Variants in TEX2 observed in about 807,000 individuals in gnomAD.
TEX2 encodes testis-expressed protein 2.
In TEX2, 53 loss-of-function variants were observed where a neutral mutation model predicts 106.9. That is an observed-to-expected ratio of 0.50 (90% CI 0.40 to 0.62). The LOEUF is 0.62. Ranked by LOEUF, TEX2 falls within the 20% of genes least tolerant of loss-of-function variation. The probability of loss-of-function intolerance (pLI) is 0.00; values close to 1 mark genes in which losing one functional copy is unlikely to be tolerated. For missense variants in TEX2, 1,207 were observed against 1,379.0 expected (o/e 0.88, Z 1.98); for synonymous variants, 523 against 534.8 (o/e 0.98, Z 0.30).
intron 8 of TEX2, 35 bp downstream of exon 8, chr17:64,160,765 AG>A: frequency 1.2e-6 from 2 of 1,608,822 alleles, no homozygotes; most frequent in Non-Finnish European, 1.7e-6. Flanking sequence ...CTGGTGCCCC[AG>A]GATTGGATTA....
chr17:64,259,663 C>T (rs1471054071), intron 1 of TEX2, among the ~76,000 whole-genome samples: 2 of 152,200 alleles, frequency 1.3e-5, no homozygotes, highest in East Asian at 1.9e-4. Context: ...GCAAATCTTA[C>T]GAGATGCTTC....
chr17:64,151,391 G>A (rs1396405671), intron 10 of TEX2, among the ~76,000 whole-genome samples: 1 of 152,168 alleles, frequency 6.6e-6, no homozygotes, highest in Non-Finnish European at 1.5e-5. Context: ...CCCAAGAGAG[G>A]ACTATTGACA....
At chr17:64,248,570 A>G (rs1203356125) in intron 1 of TEX2, among the ~76,000 whole-genome samples, 2 of 152,256 alleles carry the variant, frequency 1.3e-5, no homozygotes, top group African/African-American at 2.4e-5. Context: ...AGCCTATTTT[A>G]TAAGCCTTTT....
At position 64,193,674 on chromosome 17, in the gene TEX2, G is replaced by A. The variant is rs370141908; in HGVS notation, c.2061C>T (p.Leu687=). ...GTRSSQRDQI[L]YLFGRTGREK... ...CTCGGCCAGTTCTCCCAAAGAGATA[G>A]AGTATCTGATCTCGCTGGCTAGATC... The change falls in exon 4 of 12, where the codon CTC becomes CTT. Residue 687 remains leucine (L), a synonymous_variant. Transcript: ENST00000584379. 4 of 1,596,166 alleles carry A rather than the reference G, an allele frequency of 2.5e-6. No homozygotes were observed. The highest frequency in any genetic ancestry group is 1.4e-5 in the African/African-American group (1 of 73,934).
intron 1 of TEX2, among the ~76,000 whole-genome samples, chr17:64,223,105 T>G (rs2033405283): frequency 6.6e-6 from 1 of 152,124 alleles, no homozygotes; most frequent in Non-Finnish European, 1.5e-5. Context: ...CCATCTAACT[T>G]GAACTCATAA....
intron 1 of TEX2, among the ~76,000 whole-genome samples, chr17:64,251,622 C>T (rs1324638376): frequency 6.6e-6 from 1 of 152,178 alleles, no homozygotes; most frequent in Non-Finnish European, 1.5e-5. Flanking sequence ...TTTGACATGT[C>T]AGGTGGACCT....
intron 2 of TEX2, among the ~76,000 whole-genome samples, chr17:64,196,509 C>T (rs782562353): frequency 6.6e-6 from 1 of 152,068 alleles, no homozygotes; most frequent in Non-Finnish European, 1.5e-5. Flanking sequence ...AAAGAATGAC[C>T]GGACAGGAGC....
intron 2 of TEX2, among the ~76,000 whole-genome samples, chr17:64,208,266 TCA>T (rs1160499095): frequency 5.3e-5 from 8 of 152,202 alleles, no homozygotes; most frequent in Admixed American, 1.3e-4. Flanking sequence ...TGAGACAGGG[TCA>T]CACTCTATTG....
intron 1 of TEX2, among the ~76,000 whole-genome samples, chr17:64,254,334 C>T (rs555900523): frequency 2.0e-5 from 3 of 152,342 alleles, no homozygotes; most frequent in South Asian, 2.1e-4. Flanking sequence ...AACCTACATG[C>T]GACTTGTGCC....
At chr17:64,181,071 A>G (rs910268047) in intron 5 of TEX2, among the ~76,000 whole-genome samples, 1 of 151,860 alleles carries the variant, frequency 6.6e-6, no homozygotes, top group African/African-American at 2.4e-5. Context: ...AAACACCCAT[A>G]AACCTGCTAC....
At chr17:64,209,845 T>G (rs1223025102) in intron 2 of TEX2, among the ~76,000 whole-genome samples, 1 of 152,218 alleles carries the variant, frequency 6.6e-6, no homozygotes, top group Non-Finnish European at 1.5e-5. Context: ...TTGCCTTTAT[T>G]CTTCCAGTGA....
At chr17:64,256,297 AC>A (rs554305768) in intron 1 of TEX2, among the ~76,000 whole-genome samples, 2 of 152,196 alleles carry the variant, frequency 1.3e-5, no homozygotes, top group South Asian at 4.2e-4. Context: ...GGCTCATTCA[AC>A]CCTCATAGCA....
chr17:64,248,171 A>G (rs1301356133), intron 1 of TEX2, among the ~76,000 whole-genome samples: 1 of 152,218 alleles, frequency 6.6e-6, no homozygotes, highest in Non-Finnish European at 1.5e-5. Flanking sequence ...CTATAACTGC[A>G]AAACATACCT....
intron 10 of TEX2, among the ~76,000 whole-genome samples, 171 bp from the exon 11 acceptor site, chr17:64,151,132 CCT>C (rs2030333089): frequency 6.6e-6 from 1 of 152,126 alleles, no homozygotes; most frequent in Non-Finnish European, 1.5e-5. Context: ...TTGTGAACCC[CCT>C]GTGTTCCCTG....
chr17:64,154,876 C>A lies in TEX2; in HGVS notation c.2896G>T (p.Gly966Trp), dbSNP rs760485376. The change falls in exon 9 of 12, where the codon GGG (glycine) becomes TGG (tryptophan). Residue 966 changes from glycine (G) to tryptophan (W), a missense_variant. By Grantham distance (184) the Gly-to-Trp change is radical. Coordinates refer to ENST00000584379, the MANE Select transcript of TEX2 (RefSeq NM_001288732.2). The part of the protein sequence containing the change: ...SEEDDAPEPS[G>W]GDKQLLPGAE... The stretch of plus-strand genomic sequence containing the variant: ...CCTGGGAGGAGCTGTTTGTCTCCCC[C>A]GCTGGGCTCTGGGGCATCGTCTTCC... The A allele has an allele frequency of 2.0e-5, 32 of 1,608,718 alleles. No homozygotes were observed. The highest frequency in any genetic ancestry group is 2.5e-5 in the Non-Finnish European group (30 of 1,178,124).
intron 1 of TEX2, among the ~76,000 whole-genome samples, chr17:64,244,345 CCT>C (rs1460662005): frequency 3.3e-5 from 5 of 152,100 alleles, no homozygotes; most frequent in African/African-American, 1.2e-4. Context: ...TCAAACAGCC[CCT>C]GACGTCTAGA....
At chr17:64,262,435 C>A (rs1321063290) in intron 1 of TEX2, among the ~76,000 whole-genome samples, 1 of 152,238 alleles carries the variant, frequency 6.6e-6, no homozygotes, top group Non-Finnish European at 1.5e-5. Flanking sequence ...CACCAACTCC[C>A]ATGGCAGCCG....
chr17:64,226,432 G>C (rs1443798086), intron 1 of TEX2, among the ~76,000 whole-genome samples: 1 of 152,174 alleles, frequency 6.6e-6, no homozygotes, highest in African/African-American at 2.4e-5. Context: ...TAAATTCCAA[G>C]TGGTTAAGAA....
intron 7 of TEX2, among the ~76,000 whole-genome samples, chr17:64,165,191 A>T (rs1050951439): frequency 5.3e-5 from 8 of 152,248 alleles, no homozygotes; most frequent in African/African-American, 1.9e-4. Flanking sequence ...TCTGGGAAGA[A>T]CACACCAGTG....
Sources: allele counts gnomAD v4.1 joint callset (sites outside exome capture counted in the v4.1 genomes callset), GRCh38; gene constraint gnomAD v4.1.1; transcripts MANE v1.5; gene names NCBI Gene and HGNC (gene_info 2026-07-23, HGNC 2026-07-21).